Variants in SMAP2 observed in about 807,000 individuals in gnomAD.
SMAP2 encodes stromal membrane-associated protein 2.
SMAP2 carries 25 observed loss-of-function variants against 56.4 expected under a neutral mutation model. The ratio of observed to expected loss-of-function variants is 0.44; its 90% CI spans 0.32 to 0.62. The LOEUF (loss-of-function observed/expected upper bound fraction) is 0.62. Ranked by LOEUF, SMAP2 falls within the 20% of genes least tolerant of loss-of-function variation. The pLI is 0.04. For synonymous variants in SMAP2, 157 were observed against 181.7 expected (o/e 0.86, Z 1.09); for missense variants, 388 against 545.6 (o/e 0.71, Z 2.88).
intron 1 of SMAP2, among the ~76,000 whole-genome samples, chr1:40,406,473 G>T (rs1021758125): frequency 1.3e-5 from 2 of 152,100 alleles, no homozygotes; most frequent in Admixed American, 1.3e-4. Context: ...GATTTCTTTT[G>T]GACTAATGAA....
chr1:40,416,107 G>T (rs2124371058), intron 7 of SMAP2, 69 bp from the exon 8 acceptor site: 1 of 1,446,496 alleles, frequency 6.9e-7, no homozygotes, highest in East Asian at 2.3e-5. Flanking sequence ...AGCAGAGAGG[G>T]AAGGGAGACC....
intron 1 of SMAP2, among the ~76,000 whole-genome samples, chr1:40,389,990 C>T (rs1644701176): frequency 6.8e-6 from 1 of 146,858 alleles, no homozygotes; most frequent in Non-Finnish European, 1.5e-5. Flanking sequence ...TTTGTACTCA[C>T]ATGGCTGGTA....
At chr1:40,390,124 C>G (rs899243364) in intron 1 of SMAP2, among the ~76,000 whole-genome samples, 4 of 152,168 alleles carry the variant, frequency 2.6e-5, no homozygotes, top group Non-Finnish European at 5.9e-5. Context: ...ATCTTTTGCT[C>G]TCCTCCCTTA....
intron 1 of SMAP2, among the ~76,000 whole-genome samples, chr1:40,376,760 C>T (rs147630305): frequency 1.2e-4 from 19 of 152,202 alleles, no homozygotes; most frequent in African/African-American, 4.6e-4. Flanking sequence ...AGTTTATTTA[C>T]CTGTATTCCT....
At chr1:40,383,222 G>C (rs527924943) in intron 1 of SMAP2, among the ~76,000 whole-genome samples, 4 of 152,330 alleles carry the variant, frequency 2.6e-5, no homozygotes, top group African/African-American at 9.6e-5. Context: ...CTGGAAGTCC[G>C]AGTGGTCTGG....
intron 1 of SMAP2, among the ~76,000 whole-genome samples, chr1:40,395,324 C>T (rs941693383): frequency 1.3e-5 from 2 of 152,120 alleles, no homozygotes; most frequent in African/African-American, 2.4e-5. Context: ...TAAGTATACA[C>T]TAGTTACCTT....
At chr1:40,418,171 A>T (rs1323634878) in intron 9 of SMAP2, among the ~76,000 whole-genome samples, 2 of 152,212 alleles carry the variant, frequency 1.3e-5, no homozygotes, top group Non-Finnish European at 2.9e-5. Context: ...TAAAGCCAAA[A>T]TGGATAAAAA....
At chr1:40,352,387 C>T (rs1644412534) in intron 1 of SMAP2, among the ~76,000 whole-genome samples, 1 of 152,120 alleles carries the variant, frequency 6.6e-6, no homozygotes, top group African/African-American at 2.4e-5. Context: ...CATTTTCATG[C>T]ATTTTAATCT....
At chr1:40,381,505 G>C (rs577935855) in intron 1 of SMAP2, among the ~76,000 whole-genome samples, 2 of 152,080 alleles carry the variant, frequency 1.3e-5, no homozygotes, top group South Asian at 2.1e-4. Context: ...CTAGGAAGAG[G>C]GAACAGAATG....
intron 1 of SMAP2, among the ~76,000 whole-genome samples, chr1:40,345,961 T>A (rs1644384552): frequency 7.8e-6 from 1 of 127,696 alleles, no homozygotes; most frequent in Non-Finnish European, 1.6e-5. Flanking sequence ...CTGGTATTTC[T>A]ATCACTTTTT....
In SMAP2 at chr1:40,374,981, T is replaced by C. The variant is rs1044282305; in HGVS notation, c.103+758T>C. 1 of 984,960 alleles carries C rather than the reference T, an allele frequency of 1.0e-6. No homozygotes were observed. Among genetic ancestry groups the C allele is most frequent in the Non-Finnish European group, 1.2e-6 (1 of 829,582 alleles). The allele number at this position is 984,960 out of a possible 1,614,324, so 61.0% of individuals were successfully genotyped here. ...AGTGGAGAGAGAAAGATGAATTCGA[T>C]GAATTCATTGCTTCCATGGCGATTA... is the stretch of plus-strand genomic sequence containing the variant. On this transcript the variant is annotated intron_variant, in intron 1 of 9. Transcript: ENST00000372718. The surrounding 1 kb of genome is among the most constrained non-coding windows in gnomAD (Gnocchi z 5.9).
At chr1:40,419,445 T>G (rs1645021831) in intron 9 of SMAP2, among the ~76,000 whole-genome samples, 1 of 152,056 alleles carries the variant, frequency 6.6e-6, no homozygotes, top group African/African-American at 2.4e-5. Flanking sequence ...CACACCCGGT[T>G]AATTTTTTTT....
chr1:40,346,877 A>T (rs1048857156), intron 1 of SMAP2, among the ~76,000 whole-genome samples: 1 of 151,712 alleles, frequency 6.6e-6, no homozygotes, highest in Non-Finnish European at 1.5e-5. Context: ...TTTTTTAGAG[A>T]CAAACTCTTG....
intron 1 of SMAP2, among the ~76,000 whole-genome samples, chr1:40,390,296 T>C (rs1264393397): frequency 6.6e-6 from 1 of 152,216 alleles, no homozygotes; most frequent in African/African-American, 2.4e-5. Flanking sequence ...GGCACTGATT[T>C]TCCATCTGTT....
rs1199256007 is a variant in SMAP2 at position 40,363,375 on chromosome 1, G to T, written c.55+939G>T. Among the ~76,000 whole-genome samples the T allele has an allele frequency of 2.0e-5, 3 of 152,132 alleles. No individual in the cohort carries two copies. In the East Asian group the frequency reaches 5.8e-4, roughly 29 times the overall value. The stretch of plus-strand genomic sequence containing the variant: ...GAAACAACTATAAGAGTTGAAAATG[G>T]TTGTCTCAGAGGAGTAGGGACCAGT... On this transcript the variant is annotated intron_variant, in intron 2 of 6. Transcript: ENST00000435168.
At chr1:40,375,184 C>A (rs75359104) in intron 1 of SMAP2, among the ~76,000 whole-genome samples, 5,563 of 151,898 alleles carry the variant, frequency 0.037, 332 homozygotes, top group African/African-American at 0.13. Context: ...TCTTTTTTTC[C>A]TGTATTTTCT....
In SMAP2 at chr1:40,360,248, C is replaced by T. The variant is rs566818954; in HGVS notation, c.-82-2052C>T. On this transcript the variant is annotated intron_variant, in intron 1 of 6. Transcript: ENST00000435168. ...GTCTCGATCTCCTGACCTCATGATC[C>T]GCCTGCCTCGGCCTCCCAAAGTGCT... 2.9e-3 allele frequency among the ~76,000 whole-genome samples: 444 copies of T among 151,182 alleles called. 1 individual carries two copies. Among genetic ancestry groups the T allele is most frequent in the Middle Eastern group, 0.01 (3 of 288 alleles).
At chr1:40,416,396 T>C (rs1644987470) in intron 8 of SMAP2, 55 bp downstream of exon 8, 4 of 1,560,120 alleles carry the variant, frequency 2.6e-6, no homozygotes, top group South Asian at 1.2e-5. Flanking sequence ...AGGGCTTCCA[T>C]GCAGGAATTA....
At chr1:40,397,617 G>A in intron 1 of SMAP2, among the ~76,000 whole-genome samples, 1 of 152,024 alleles carries the variant, frequency 6.6e-6, no homozygotes, top group East Asian at 1.9e-4. Flanking sequence ...CATTTATTGT[G>A]TACCATCTTC....
Sources: allele counts gnomAD v4.1 joint callset (sites outside exome capture counted in the v4.1 genomes callset), GRCh38; gene constraint gnomAD v4.1.1; non-coding constraint Gnocchi (gnomAD v3.1); transcripts MANE v1.5; gene names NCBI Gene and HGNC (gene_info 2026-07-23, HGNC 2026-07-21).